DOK5: variants seen among roughly 807,000 people sequenced by gnomAD.
DOK5 encodes downstream of tyrosine kinase 5.
In DOK5, 27 loss-of-function variants were observed where a neutral mutation model predicts 43.3. That is an observed-to-expected ratio of 0.62 (90% confidence interval 0.46 to 0.86). The LOEUF (loss-of-function observed/expected upper bound fraction) is 0.86, where lower values mean the gene tolerates loss of function less well. Ranked by LOEUF, DOK5 falls within the 40% of genes least tolerant of loss-of-function variation. The probability of loss-of-function intolerance (pLI) is 0.00; values close to 1 mark genes in which losing one functional copy is unlikely to be tolerated. For missense variants in DOK5, 373 were observed against 392.9 expected (o/e 0.95, Z 0.43); for synonymous variants, 146 against 140.1 (o/e 1.04, Z -0.30).
rs771122666 is a variant in DOK5, at chr20:54,533,264, AG to A, written c.67-21668del. Among the ~76,000 whole-genome samples, 192 of 152,262 alleles carry A rather than the reference AG, an allele frequency of 1.3e-3. 1 individual carries two copies. Among genetic ancestry groups the A allele is most frequent in the Non-Finnish European group, 2.1e-3 (146 of 68,024 alleles). ...ACCCCTCTCAGTTGTGATGACCAAA[AG>A]CTTCTCCAGACATTGTCAAATGTCC... On this transcript the variant is annotated intron_variant, in intron 1 of 7. Coordinates refer to ENST00000262593, the MANE Select transcript of DOK5 (RefSeq NM_018431.5).
intron 7 of DOK5, among the ~76,000 whole-genome samples, chr20:54,645,249 T>C (rs6023456): frequency 0.045 from 6,445 of 142,400 alleles, 203 homozygotes; most frequent in Middle Eastern, 0.06. Context: ...TCCTCCATGC[T>C]CGCTCTGAAC....
At chr20:54,536,588 A>G (rs1173241052) in intron 1 of DOK5, among the ~76,000 whole-genome samples, 2 of 152,232 alleles carry the variant, frequency 1.3e-5, no homozygotes, top group East Asian at 1.9e-4. Flanking sequence ...AAAGAAGCCA[A>G]CAACCCAGAA....
At chr20:54,593,543 C>A (rs1174335209) in intron 5 of DOK5, among the ~76,000 whole-genome samples, 1 of 151,996 alleles carries the variant, frequency 6.6e-6, no homozygotes. Context: ...TAAGAAAATC[C>A]CAGGCCAGGA....
At chr20:54,482,358 C>G (rs1312054243) in intron 1 of DOK5, among the ~76,000 whole-genome samples, 1 of 152,182 alleles carries the variant, frequency 6.6e-6, no homozygotes, top group Non-Finnish European at 1.5e-5. Flanking sequence ...TTCACCTGAC[C>G]TGGTATGCCA....
chr20:54,541,576 C>T (rs6127222), intron 1 of DOK5, among the ~76,000 whole-genome samples: 1 of 152,234 alleles, frequency 6.6e-6, no homozygotes, highest in East Asian at 1.9e-4. Flanking sequence ...GCTGGGATTA[C>T]AGGCTTGCAC....
intron 5 of DOK5, among the ~76,000 whole-genome samples, chr20:54,600,370 C>T (rs1243137963): frequency 2.6e-5 from 4 of 152,128 alleles, no homozygotes; most frequent in South Asian, 2.1e-4. Context: ...TCACTTCTGA[C>T]ACCAACTGCA....
At chr20:54,620,639 C>A (rs1986948441) in intron 6 of DOK5, among the ~76,000 whole-genome samples, 1 of 152,182 alleles carries the variant, frequency 6.6e-6, no homozygotes, top group Non-Finnish European at 1.5e-5. Context: ...GCTATGGTCT[C>A]TTTGGATGAC....
intron 1 of DOK5, among the ~76,000 whole-genome samples, chr20:54,543,224 T>C (rs2146717549): frequency 6.6e-6 from 1 of 151,236 alleles, no homozygotes; most frequent in South Asian, 2.1e-4. Context: ...ACGTTGAATA[T>C]TATAACTAGT....
intron 1 of DOK5, among the ~76,000 whole-genome samples, chr20:54,519,319 G>GC (rs2146694864): frequency 6.6e-6 from 1 of 152,266 alleles, no homozygotes; most frequent in African/African-American, 2.4e-5. Context: ...TTAATATTTA[G>GC]CATCTGTTCC....
intron 5 of DOK5, among the ~76,000 whole-genome samples, chr20:54,601,838 A>G (rs1986307179): frequency 6.6e-6 from 1 of 152,314 alleles, no homozygotes; most frequent in African/African-American, 2.4e-5. Context: ...AAAACACCCA[A>G]TTTTTGCATC....
chr20:54,516,952 G>A (rs762710564), intron 1 of DOK5, among the ~76,000 whole-genome samples: 3 of 152,162 alleles, frequency 2.0e-5, no homozygotes, highest in Non-Finnish European at 4.4e-5. Context: ...TGGGCTCAGA[G>A]TCCCTCGTGT....
intron 6 of DOK5, among the ~76,000 whole-genome samples, chr20:54,618,147 A>T (rs1006453133): frequency 6.6e-6 from 1 of 152,164 alleles, no homozygotes; most frequent in African/African-American, 2.4e-5. Flanking sequence ...GTCCTATGAT[A>T]TAGATGAGAA....
chr20:54,572,722 T>A (rs1297706566), intron 2 of DOK5, among the ~76,000 whole-genome samples: 1 of 152,146 alleles, frequency 6.6e-6, no homozygotes, highest in Non-Finnish European at 1.5e-5. Flanking sequence ...GGGAACCATA[T>A]AGATCAGATT....
At chr20:54,534,718 C>A (rs1432270845) in intron 1 of DOK5, among the ~76,000 whole-genome samples, 1 of 152,228 alleles carries the variant, frequency 6.6e-6, no homozygotes, top group Non-Finnish European at 1.5e-5. Flanking sequence ...AGTGTGCTGA[C>A]AGTGCTTAAT....
At chr20:54,509,414 G>A (rs924876564) in intron 1 of DOK5, among the ~76,000 whole-genome samples, 1 of 152,056 alleles carries the variant, frequency 6.6e-6, no homozygotes, top group Non-Finnish European at 1.5e-5. Context: ...GGTTGGTCTT[G>A]AACACCTTGC....
chr20:54,607,085 G>T (rs1986494950), intron 5 of DOK5, among the ~76,000 whole-genome samples: 1 of 152,194 alleles, frequency 6.6e-6, no homozygotes, highest in South Asian at 2.1e-4. Flanking sequence ...ATAATAGAAT[G>T]CAGGAGCTTG....
At chr20:54,490,537 T>C (rs1982123265) in intron 1 of DOK5, among the ~76,000 whole-genome samples, 1 of 152,132 alleles carries the variant, frequency 6.6e-6, no homozygotes, top group Non-Finnish European at 1.5e-5. Flanking sequence ...GAATGTTGCA[T>C]TTATGTTGTT....
chr20:54,489,834 G>A (rs1263615209), intron 1 of DOK5, among the ~76,000 whole-genome samples: 1 of 152,094 alleles, frequency 6.6e-6, no homozygotes, highest in South Asian at 2.1e-4. Flanking sequence ...AGAGCCTGAA[G>A]GTGAATAAAT....
At chr20:54,485,039 A>G (rs1308169394) in intron 1 of DOK5, among the ~76,000 whole-genome samples, 1 of 152,112 alleles carries the variant, frequency 6.6e-6, no homozygotes, top group African/African-American at 2.4e-5. Flanking sequence ...TTTTAAAAAG[A>G]ATATTATGTA....
Sources: allele counts gnomAD v4.1 joint callset (sites outside exome capture counted in the v4.1 genomes callset), GRCh38; gene constraint gnomAD v4.1.1; transcripts MANE v1.5; gene names NCBI Gene and HGNC (gene_info 2026-07-23, HGNC 2026-07-21).